Variants in NDUFAF6 observed in about 807,000 individuals in gnomAD.
NDUFAF6 encodes NADH:ubiquinone oxidoreductase complex assembly factor 6, also known as NADH dehydrogenase (ubiquinone) complex I, assembly factor 6.
Under a neutral mutation model 40.8 loss-of-function variants are expected in NDUFAF6, and 45 were observed. That is an observed-to-expected ratio of 1.10 (90% CI 0.87 to 1.42). NDUFAF6 has a LOEUF of 1.42. Among genes scored for constraint, NDUFAF6 ranks in the 40% most tolerant of loss-of-function variants. The pLI is 0.00. For synonymous variants in NDUFAF6, 185 were observed against 155.9 expected (o/e 1.19, Z -1.39); for missense variants, 435 against 418.5 (o/e 1.04, Z -0.34).
At chr8:95,067,014 C>T (rs1832720854) in intron 9 of NDUFAF6, 1 of 152,226 alleles carries the variant, frequency 6.6e-6, no homozygotes, top group South Asian at 2.1e-4. Flanking sequence ...AACTAATATC[C>T]ATTCAAAGAA....
chr8:95,096,859 A>G (rs1177061095), upstream of NDUFAF6, among the ~76,000 whole-genome samples: 2 of 152,194 alleles, frequency 1.3e-5, no homozygotes, highest in Non-Finnish European at 2.9e-5. Flanking sequence ...TGAATTTCTC[A>G]CAAGAAACAC....
At chr8:94,982,805 G>A (rs1024734152) in intron 2 of NDUFAF6, among the ~76,000 whole-genome samples, 2 of 152,238 alleles carry the variant, frequency 1.3e-5, no homozygotes, top group Admixed American at 1.3e-4. Context: ...CCAGCTCCAT[G>A]GTGACCCACC....
intron 2 of NDUFAF6, among the ~76,000 whole-genome samples, chr8:94,995,152 G>C (rs1826368670): frequency 6.6e-6 from 1 of 152,204 alleles, no homozygotes; most frequent in South Asian, 2.1e-4. Context: ...TTAAAAAGGA[G>C]AACCTGTCAC....
downstream of NDUFAF6, among the ~76,000 whole-genome samples, chr8:95,107,894 T>G (rs1360171186): frequency 1.3e-5 from 2 of 152,086 alleles, no homozygotes; most frequent in Non-Finnish European, 2.9e-5. Context: ...GTACCAGAAG[T>G]AGATGGAGAA....
downstream of NDUFAF6, among the ~76,000 whole-genome samples, chr8:95,061,872 T>G (rs1322072875): frequency 6.6e-6 from 1 of 151,868 alleles, no homozygotes; most frequent in African/African-American, 2.4e-5. Context: ...CTTTTAAGAG[T>G]GTGGGCTGGG....
chr8:95,077,656 T>C (rs111977231), downstream of NDUFAF6, among the ~76,000 whole-genome samples: 2,462 of 152,252 alleles, frequency 0.016, 69 homozygotes, highest in African/African-American at 0.057. Flanking sequence ...AAGCAAAACC[T>C]TGGACAAGAG....
chr8:94,932,358 A>G (rs1261017003), intron 1 of NDUFAF6, among the ~76,000 whole-genome samples: 1 of 152,228 alleles, frequency 6.6e-6, no homozygotes, highest in South Asian at 2.1e-4. Context: ...CTTTATGGTA[A>G]TATCCCCAAT....
intron 9 of NDUFAF6, among the ~76,000 whole-genome samples, chr8:95,071,138 C>T (rs1832835283): frequency 6.6e-6 from 1 of 151,992 alleles, no homozygotes; most frequent in Non-Finnish European, 1.5e-5. Context: ...AGCCTGTAAT[C>T]CCAGCACTTT....
chr8:95,029,906 A>C (rs1213673902), intron 1 of NDUFAF6, among the ~76,000 whole-genome samples: 2 of 152,040 alleles, frequency 1.3e-5, no homozygotes, highest in South Asian at 4.1e-4. Context: ...TTTTTTTGTA[A>C]ATTTAATTAA....
chr8:94,913,677 T>TAGTC (rs1818933171), intron 1 of NDUFAF6, among the ~76,000 whole-genome samples: 1 of 152,168 alleles, frequency 6.6e-6, no homozygotes, highest in Admixed American at 6.5e-5. Context: ...CATGCACCTG[T>TAGTC]AGTCCCAGCT....
chr8:95,084,927 A>G (rs766083922), intron 2 of NDUFAF6, among the ~76,000 whole-genome samples: 14 of 152,240 alleles, frequency 9.2e-5, no homozygotes, highest in South Asian at 6.2e-4. Flanking sequence ...ACAGAGTCAG[A>G]TCCAAGTAAT....
At chr8:95,033,949 AGGCAGCCACT>A (rs755266919) in intron 2 of NDUFAF6, 4 of 455,416 alleles carry the variant, frequency 8.8e-6, no homozygotes, top group Non-Finnish European at 1.8e-5. Context: ...TGAGTGAGAT[AGGCAGCCACT>A]GGAGGGTTCT....
chr8:94,909,995 C>CAA (rs1273409547), intron 1 of NDUFAF6, among the ~76,000 whole-genome samples: 2 of 151,964 alleles, frequency 1.3e-5, no homozygotes, highest in Non-Finnish European at 2.9e-5. Context: ...CCCTTTCTGA[C>CAA]ATGGCCCTTC....
intron 1 of NDUFAF6, among the ~76,000 whole-genome samples, chr8:94,941,709 T>C (rs1404210933): frequency 1.1e-4 from 17 of 152,180 alleles, no homozygotes; most frequent in Admixed American, 1.1e-3. Flanking sequence ...GCTCAGCAGG[T>C]GGGTGCTGGG....
intron 3 of NDUFAF6, chr8:95,036,349 A>G: frequency 7.8e-7 from 1 of 1,289,076 alleles, no homozygotes; most frequent in Non-Finnish European, 1.0e-6. Context: ...CACAGACCTG[A>G]CAGTGGTACA....
chr8:94,991,796 G>GCCC (rs35398480), intron 2 of NDUFAF6, among the ~76,000 whole-genome samples: 4 of 113,272 alleles, frequency 3.5e-5, no homozygotes, highest in African/African-American at 1.3e-4. Flanking sequence ...CTCATTCTTC[G>GCCC]CCCCCCCCCC....
At chr8:94,897,325 G>T (rs768266844) in intron 1 of NDUFAF6, among the ~76,000 whole-genome samples, 18 of 152,316 alleles carry the variant, frequency 1.2e-4, no homozygotes, top group South Asian at 8.3e-4. Context: ...TAGTAAAGGA[G>T]AAATTAGAAA....
At chr8:94,939,461 A>G (rs1821306031) in intron 1 of NDUFAF6, among the ~76,000 whole-genome samples, 1 of 152,242 alleles carries the variant, frequency 6.6e-6, no homozygotes, top group African/African-American at 2.4e-5. Context: ...CAGTGGCACA[A>G]TCTTGACTCA....
At chr8:94,994,831 C>A (rs1826350289) in intron 2 of NDUFAF6, among the ~76,000 whole-genome samples, 1 of 152,098 alleles carries the variant, frequency 6.6e-6, no homozygotes, top group Non-Finnish European at 1.5e-5. Context: ...TCTCAAAAAA[C>A]CAAACCAAAC....
Sources: allele counts gnomAD v4.1 joint callset (sites outside exome capture counted in the v4.1 genomes callset), GRCh38; gene constraint gnomAD v4.1.1; transcripts MANE v1.5; gene names NCBI Gene and HGNC (gene_info 2026-07-23, HGNC 2026-07-21).